The following FOXN3 variants were observed in gnomAD, a reference collection of about 807,000 sequenced individuals.
FOXN3 encodes forkhead box N3, also known as forkhead box protein N3.
Under a neutral mutation model 38.4 loss-of-function variants are expected in FOXN3, and 7 were observed. The ratio of observed to expected loss-of-function variants is 0.18; its 90% CI spans 0.10 to 0.34. FOXN3 has a LOEUF of 0.34. Among genes scored for constraint, FOXN3 ranks in the 10% least tolerant of loss-of-function variants. The pLI, the probability that FOXN3 is intolerant of heterozygous loss-of-function variation, is 1.00. For missense variants in FOXN3, 456 were observed against 613.4 expected, an observed-to-expected ratio of 0.74 and a Z score of 2.71; for synonymous variants, 230 against 242.2, an observed-to-expected ratio of 0.95 and a Z score of 0.47.
chr14:89,298,578 A>C (rs1887119400), intron 3 of FOXN3, among the ~76,000 whole-genome samples: 1 of 152,030 alleles, frequency 6.6e-6, no homozygotes, highest in South Asian at 2.1e-4. Flanking sequence ...ACAAACAGAC[A>C]TTTCCTAATG....
At chr14:89,167,716 G>A (rs1052169628) in intron 5 of FOXN3, among the ~76,000 whole-genome samples, 1 of 152,200 alleles carries the variant, frequency 6.6e-6, no homozygotes, top group African/African-American at 2.4e-5. Flanking sequence ...GAGTTCACTA[G>A]AAAATAAGGG....
intron 3 of FOXN3, among the ~76,000 whole-genome samples, chr14:89,325,322 CCACCACCACCACCACCA>C (rs1888038236): frequency 9.6e-6 from 1 of 103,736 alleles, no homozygotes; most frequent in African/African-American, 4.5e-5. Context: ...ACGACCACCA[CCACCACCACCACCACCA>C]CCACCACCAC....
chr14:89,544,263 G>C (rs990643462), intron 1 of FOXN3, among the ~76,000 whole-genome samples: 1 of 151,026 alleles, frequency 6.6e-6, no homozygotes, highest in Non-Finnish European at 1.5e-5. Flanking sequence ...GGATGGTCTC[G>C]ATCTCCTGAC....
chr14:89,204,391 G>A (rs1888323604), intron 4 of FOXN3, among the ~76,000 whole-genome samples: 2 of 152,084 alleles, frequency 1.3e-5, no homozygotes, highest in Non-Finnish European at 1.5e-5. Context: ...CAGGTCTCAT[G>A]GGCACCGAGC....
intron 4 of FOXN3, among the ~76,000 whole-genome samples, chr14:89,264,639 G>A (rs2139896355): frequency 6.6e-6 from 1 of 152,290 alleles, no homozygotes; most frequent in South Asian, 2.1e-4. Flanking sequence ...GGCCCAAGAA[G>A]AGCAGGAACA....
chr14:89,511,124 CTTTCTTTCTTTCTTTCT>C lies in FOXN3; in HGVS notation c.-14-98651_-14-98635del, dbSNP rs1262270745. On this transcript the variant is annotated intron_variant, in intron 1 of 6. Transcript: ENST00000345097. ...GCATCTCAAAAGACCTGCTTGGTGTCTTTCTTTCTTTCTTTCTTTTCTTTCTTTCTTTCTTTCTTTCT... is the reference window on the plus strand; with the variant it reads ...GCATCTCAAAAGACCTGCTTGGTGTCTTTCTTTCTTTCTTTCTTTCTTTCT... Among the ~76,000 whole-genome samples the C allele has an allele frequency of 4.8e-5, 2 of 42,052 alleles. 1 individual carries two copies. The highest frequency in any genetic ancestry group is 6.8e-4 in the East Asian group (2 of 2,920). The allele number at this position is 42,052 out of a possible 152,430, so 27.6% of individuals were successfully genotyped here. A position where few individuals can be genotyped will look rare whatever the true frequency, so the allele number is the denominator to read the frequency against.
intron 1 of FOXN3, among the ~76,000 whole-genome samples, chr14:89,604,516 T>C (rs950684665): frequency 5.3e-5 from 8 of 151,572 alleles, no homozygotes; most frequent in African/African-American, 1.9e-4. Flanking sequence ...AATATAGAAA[T>C]AGAAAAGATG....
chr14:89,484,624 G>A lies in FOXN3; in HGVS notation c.-14-72134C>T, dbSNP rs1200431137. 1.3e-5 allele frequency among the ~76,000 whole-genome samples: 2 copies of A among 152,192 alleles called. No individual in the cohort carries two copies. Among genetic ancestry groups the A allele is most frequent in the African/African-American group, 4.8e-5 (2 of 41,456 alleles). On this transcript the variant is annotated intron_variant, in intron 1 of 6. Coordinates refer to the FOXN3 transcript ENST00000345097. This position sits in a 1 kb window ranked among gnomAD's most constrained non-coding sequence, Gnocchi z 4.0. ...CAACCCCTGGCCTGGGCTTAGGAGG[G>A]GTGGCAACAATCTATTAGGCAATTT... is the stretch of plus-strand genomic sequence containing the variant.
At chr14:89,519,375 AAAAAAGGGTTGTG>A (rs1301482958) in intron 1 of FOXN3, among the ~76,000 whole-genome samples, 1 of 152,090 alleles carries the variant, frequency 6.6e-6, no homozygotes, top group Non-Finnish European at 1.5e-5. Flanking sequence ...AAAACCATGA[AAAAAAGGGTTGTG>A]AAAAAGAGTG....
intron 4 of FOXN3, among the ~76,000 whole-genome samples, chr14:89,264,516 T>G (rs572227209): frequency 1.3e-5 from 2 of 152,128 alleles, no homozygotes; most frequent in East Asian, 3.9e-4. Context: ...AAGATTTCGG[T>G]GGGGACACAG....
At chr14:89,264,303 G>A (rs1885899720) in intron 4 of FOXN3, among the ~76,000 whole-genome samples, 2 of 152,118 alleles carry the variant, frequency 1.3e-5, no homozygotes, top group African/African-American at 2.4e-5. Context: ...GAAGGCGAAA[G>A]ACACATCTTA....
intron 1 of FOXN3, among the ~76,000 whole-genome samples, chr14:89,507,791 GA>G (rs146495173): frequency 0.021 from 2,824 of 136,708 alleles, 82 homozygotes; most frequent in African/African-American, 0.068. Context: ...ATTAAAAAAA[GA>G]AAAAAAAAAG....
At chr14:89,453,848 A>C (rs1892667941) in intron 1 of FOXN3, among the ~76,000 whole-genome samples, 1 of 152,144 alleles carries the variant, frequency 6.6e-6, no homozygotes, top group Non-Finnish European at 1.5e-5. Context: ...ACAGAAATAC[A>C]CTGCTATGGA....
chr14:89,390,686 A>C (rs1890920807), intron 2 of FOXN3, among the ~76,000 whole-genome samples: 1 of 152,158 alleles, frequency 6.6e-6, no homozygotes, highest in Non-Finnish European at 1.5e-5. Context: ...AGGAAGCTCC[A>C]AAGTAATTGA....
chr14:89,249,832 A>G (rs951574109), intron 4 of FOXN3, among the ~76,000 whole-genome samples: 2 of 152,228 alleles, frequency 1.3e-5, no homozygotes, highest in African/African-American at 4.8e-5. Flanking sequence ...TCTGTTTCGC[A>G]TGGCTTGAGA....
chr14:89,289,961 T>C (rs1886814110), intron 3 of FOXN3, among the ~76,000 whole-genome samples: 1 of 152,220 alleles, frequency 6.6e-6, no homozygotes, highest in Non-Finnish European at 1.5e-5. Context: ...TTCTTTTTTT[T>C]CCCTTTAAAT....
At chr14:89,288,469 A>C (rs1886706867) in intron 3 of FOXN3, among the ~76,000 whole-genome samples, 1 of 152,224 alleles carries the variant, frequency 6.6e-6, no homozygotes, top group African/African-American at 2.4e-5. Flanking sequence ...ATTTTATTTT[A>C]CTTTTAAACA....
chr14:89,354,329 G>C (rs1373607028), intron 2 of FOXN3, among the ~76,000 whole-genome samples: 1 of 151,204 alleles, frequency 6.6e-6, no homozygotes, highest in Non-Finnish European at 1.5e-5. Context: ...CCAGGTTCAA[G>C]CCTCTCCTGC....
At chr14:89,291,419 T>C in intron 3 of FOXN3, 1 of 609,402 alleles carries the variant, frequency 1.6e-6, no homozygotes, top group South Asian at 1.4e-5. Context: ...CTTTAAAAAC[T>C]TGGCCACCAT....
Sources: allele counts gnomAD v4.1 joint callset (sites outside exome capture counted in the v4.1 genomes callset), GRCh38; gene constraint gnomAD v4.1.1; non-coding constraint Gnocchi (gnomAD v3.1); transcripts MANE v1.5; gene names NCBI Gene and HGNC (gene_info 2026-07-23, HGNC 2026-07-21).